Variants in ADGRL3 observed in about 807,000 individuals in gnomAD.
ADGRL3 encodes the protein calcium-independent alpha-latrotoxin receptor 3.
Under a neutral mutation model 153.5 loss-of-function variants are expected in ADGRL3, and 62 were observed. That is an observed-to-expected ratio of 0.40 (90% confidence interval 0.33 to 0.50). The LOEUF (loss-of-function observed/expected upper bound fraction) is 0.50. ADGRL3 is among the 20% of genes least tolerant of loss of function. ADGRL3 has a pLI of 0.47. For missense variants in ADGRL3, 1,641 were observed against 1,859.4 expected (o/e 0.88, Z 2.16); for synonymous variants, 710 against 672.5 (o/e 1.06, Z -0.86).
intron 25 of ADGRL3, among the ~76,000 whole-genome samples, chr4:62,053,421 C>T (rs1205880460): frequency 6.6e-6 from 1 of 151,416 alleles, no homozygotes; most frequent in African/African-American, 2.4e-5. Context: ...ATAGCTTCTC[C>T]TATGATTTTT....
chr4:61,251,294 A>G lies in ADGRL3; in HGVS notation c.-240+49529A>G, dbSNP rs549472657. ...ACCAAAGGCTGTGCCTAGCTAGACTATTGACTAGAGAACCTACACATGGCC... is the reference window on the plus strand; with the variant it reads ...ACCAAAGGCTGTGCCTAGCTAGACTGTTGACTAGAGAACCTACACATGGCC... On this transcript the variant is annotated intron_variant, in intron 1 of 26. Coordinates refer to ENST00000683033, the MANE Select transcript of ADGRL3 (RefSeq NM_001387552.1). Among the ~76,000 whole-genome samples the G allele has an allele frequency of 1.3e-3, 192 of 152,230 alleles. 1 individual carries two copies. The highest frequency in any genetic ancestry group is 4.5e-3 in the African/African-American group (186 of 41,552).
chr4:61,888,225 A>G (rs527432397), intron 9 of ADGRL3, among the ~76,000 whole-genome samples: 1 of 152,380 alleles, frequency 6.6e-6, no homozygotes, highest in East Asian at 1.9e-4. Flanking sequence ...AAAATGTCAT[A>G]TGTAAATAGT....
chr4:61,446,114 A>G (rs567472747), intron 2 of ADGRL3, among the ~76,000 whole-genome samples: 2 of 152,172 alleles, frequency 1.3e-5, no homozygotes, highest in South Asian at 2.1e-4. Flanking sequence ...CTGAGAGTGT[A>G]TCTTCATCAT....
intron 2 of ADGRL3, among the ~76,000 whole-genome samples, chr4:61,383,577 G>C (rs1271180644): frequency 1.3e-5 from 2 of 151,366 alleles, no homozygotes; most frequent in African/African-American, 4.8e-5. Flanking sequence ...TTTTTCAGTT[G>C]CTACATGTAC....
intron 8 of ADGRL3, among the ~76,000 whole-genome samples, chr4:61,743,058 T>G (rs556291200): frequency 1.3e-5 from 2 of 151,812 alleles, no homozygotes; most frequent in Non-Finnish European, 2.9e-5. Flanking sequence ...CGGTGGCTCA[T>G]GCCTGTAATT....
At chr4:61,958,500 A>C (rs2098976433) in intron 17 of ADGRL3, among the ~76,000 whole-genome samples, 1 of 151,888 alleles carries the variant, frequency 6.6e-6, no homozygotes, top group South Asian at 2.1e-4. Flanking sequence ...AATAACTGAG[A>C]CTGGGTAATT....
At chr4:61,230,136 T>A (rs1366069594) in intron 1 of ADGRL3, among the ~76,000 whole-genome samples, 1 of 152,084 alleles carries the variant, frequency 6.6e-6, no homozygotes. Flanking sequence ...AAGAAGCACA[T>A]CATGATGGTG....
chr4:61,938,302 A>T (rs2098847683), intron 15 of ADGRL3, among the ~76,000 whole-genome samples: 1 of 152,222 alleles, frequency 6.6e-6, no homozygotes, highest in Admixed American at 6.5e-5. Context: ...TCAGCATTTT[A>T]ATATCAAATC....
chr4:62,028,128 G>A (rs1050184198), intron 21 of ADGRL3, among the ~76,000 whole-genome samples: 4 of 151,622 alleles, frequency 2.6e-5, no homozygotes, highest in African/African-American at 7.3e-5. Flanking sequence ...CTTATCACAA[G>A]CAAAAAATAC....
chr4:61,783,228 TTTCA>T (rs1188752028), intron 8 of ADGRL3, among the ~76,000 whole-genome samples: 1 of 152,134 alleles, frequency 6.6e-6, no homozygotes, highest in African/African-American at 2.4e-5. Context: ...CATTTTGGGA[TTTCA>T]TTATGATTGT....
chr4:61,613,987 C>T (rs535729332), intron 5 of ADGRL3, among the ~76,000 whole-genome samples: 2 of 151,910 alleles, frequency 1.3e-5, no homozygotes, highest in East Asian at 3.9e-4. Flanking sequence ...CAAACTTTAG[C>T]GGTAAGGATG....
intron 1 of ADGRL3, among the ~76,000 whole-genome samples, chr4:61,363,637 T>C (rs2096333781): frequency 6.6e-6 from 1 of 152,220 alleles, no homozygotes; most frequent in Non-Finnish European, 1.5e-5. Flanking sequence ...TTATTTACTC[T>C]ATAAATTAGG....
At chr4:61,326,774 A>G (rs769890984) in intron 1 of ADGRL3, among the ~76,000 whole-genome samples, 1 of 151,950 alleles carries the variant, frequency 6.6e-6, no homozygotes, top group Non-Finnish European at 1.5e-5. Context: ...TCAACACAGT[A>G]TGTGTTAAAA....
chr4:61,303,657 T>C (rs1300672434), intron 1 of ADGRL3, among the ~76,000 whole-genome samples: 1 of 152,186 alleles, frequency 6.6e-6, no homozygotes, highest in African/African-American at 2.4e-5. Context: ...ACATTTCAGG[T>C]GGCATCATTA....
intron 9 of ADGRL3, among the ~76,000 whole-genome samples, chr4:61,850,384 T>C (rs1202759996): frequency 2.0e-5 from 3 of 152,146 alleles, no homozygotes; most frequent in Non-Finnish European, 4.4e-5. Flanking sequence ...TAATTTTAAA[T>C]GCTATTATTC....
chr4:61,954,478 A>G (rs151139458), intron 17 of ADGRL3, among the ~76,000 whole-genome samples: 1 of 152,138 alleles, frequency 6.6e-6, no homozygotes, highest in African/African-American at 2.4e-5. Flanking sequence ...TCACTCCTCA[A>G]ATTTATTCCC....
In ADGRL3 at chr4:61,439,371, A is replaced by C. The variant is rs571847265; in HGVS notation, c.-174+56182A>C. On this transcript the variant is annotated intron_variant, in intron 2 of 26. Coordinates refer to ENST00000683033, the MANE Select transcript of ADGRL3 (RefSeq NM_001387552.1). ...CTTCCATCAAGATATGGTTTCAAGT[A>C]ATGTTTGAAAGTGAGTGACCCTTTT... Among the ~76,000 whole-genome samples, 3 of 152,314 alleles carry C rather than the reference A, an allele frequency of 2.0e-5. No homozygotes were observed. The South Asian group carries it at 6.2e-4, about 32-fold the overall frequency.
intron 25 of ADGRL3, among the ~76,000 whole-genome samples, chr4:62,045,417 G>T (rs372187128): frequency 2.2e-4 from 34 of 151,946 alleles, no homozygotes; most frequent in African/African-American, 8.2e-4. Flanking sequence ...ATGAATTTAA[G>T]GTATTTTTAT....
intron 5 of ADGRL3, among the ~76,000 whole-genome samples, chr4:61,632,025 A>G (rs560568351): frequency 3.9e-4 from 60 of 152,288 alleles, no homozygotes; most frequent in Non-Finnish European, 5.1e-4. Context: ...CCTATAAGAG[A>G]ACTATCAAAC....
Sources: allele counts gnomAD v4.1 joint callset (sites outside exome capture counted in the v4.1 genomes callset), GRCh38; gene constraint gnomAD v4.1.1; transcripts MANE v1.5; gene names NCBI Gene and HGNC (gene_info 2026-07-23, HGNC 2026-07-21).